Variants in CELF1 observed in about 807,000 individuals in gnomAD.
CELF1 encodes the protein CUGBP Elav-like family member 1, also known as 50 kDa nuclear polyadenylated RNA-binding protein.
Under a neutral mutation model 61.8 loss-of-function variants are expected in CELF1, and 10 were observed. The ratio of observed to expected loss-of-function variants is 0.16; its 90% CI spans 0.10 to 0.27. The LOEUF is 0.27. CELF1 is among the 10% of genes least tolerant of loss of function. The pLI, the probability that CELF1 is intolerant of heterozygous loss-of-function variation, is 1.00. For synonymous variants in CELF1, 236 were observed against 225.1 expected, an observed-to-expected ratio of 1.05 and a Z score of -0.43; for missense variants, 380 against 639.1, an observed-to-expected ratio of 0.59 and a Z score of 4.37.
At chr11:47,505,480 A>T (rs2094407162) in intron 1 of CELF1, among the ~76,000 whole-genome samples, 1 of 150,520 alleles carries the variant, frequency 6.6e-6, no homozygotes, top group African/African-American at 2.4e-5. Flanking sequence ...AAAAATACAA[A>T]AAATACAAAA....
chr11:47,522,753 G>A (rs2096004845), intron 1 of CELF1, among the ~76,000 whole-genome samples: 1 of 151,508 alleles, frequency 6.6e-6, no homozygotes, highest in African/African-American at 2.4e-5. Context: ...TTGAACCTGG[G>A]AGGTGGAGGC....
intron 5 of CELF1, 124 bp downstream of exon 5, chr11:47,487,035 T>TAC (rs1303490072): frequency 3.0e-5 from 24 of 809,520 alleles, no homozygotes; most frequent in Non-Finnish European, 4.7e-5. Context: ...TGTCTTCCTT[T>TAC]ACATCAATTC....
intron 8 of CELF1, 125 bp downstream of exon 8, chr11:47,483,328 T>A (rs2084599604): frequency 1.4e-6 from 1 of 737,024 alleles, no homozygotes; most frequent in East Asian, 2.5e-5. Context: ...GGTTTTTAAC[T>A]TTAAGATGTT....
intron 1 of CELF1, among the ~76,000 whole-genome samples, chr11:47,533,032 T>C (rs564137882): frequency 3.9e-5 from 6 of 152,126 alleles, no homozygotes; most frequent in Admixed American, 1.3e-4. Context: ...GTTGTTACCA[T>C]GGGAACCCAC....
At chr11:47,522,399 G>A (rs766297975) in intron 1 of CELF1, among the ~76,000 whole-genome samples, 2 of 150,260 alleles carry the variant, frequency 1.3e-5, no homozygotes, top group African/African-American at 4.9e-5. Flanking sequence ...GGTGGTGGGC[G>A]TCTGAAGTCC....
At chr11:47,495,420 T>C (rs2092891205) in intron 3 of CELF1, among the ~76,000 whole-genome samples, 1 of 152,088 alleles carries the variant, frequency 6.6e-6, no homozygotes, top group Non-Finnish European at 1.5e-5. Context: ...AGGGGAATGG[T>C]TGCTAATGGG....
At chr11:47,490,866 T>C (rs1229454841) in intron 3 of CELF1, among the ~76,000 whole-genome samples, 1 of 142,288 alleles carries the variant, frequency 7.0e-6, no homozygotes, top group Non-Finnish European at 1.5e-5. Context: ...ATTTTCTTTC[T>C]TTTTTTTTTT....
chr11:47,523,066 T>C (rs2096037517), intron 1 of CELF1, among the ~76,000 whole-genome samples: 1 of 152,128 alleles, frequency 6.6e-6, no homozygotes, highest in Non-Finnish European at 1.5e-5. Flanking sequence ...TATTTATGTA[T>C]AAACATTTAT....
chr11:47,528,870 A>T (rs2096360821), intron 1 of CELF1, among the ~76,000 whole-genome samples: 1 of 151,282 alleles, frequency 6.6e-6, no homozygotes, highest in East Asian at 2.0e-4. Flanking sequence ...CAGCCAGGCC[A>T]ACACAGTGAG....
At chr11:47,564,589 T>C (rs1267258115) in intron 1 of CELF1, 1 of 152,198 alleles carries the variant, frequency 6.6e-6, no homozygotes, top group African/African-American at 2.4e-5. Flanking sequence ...CACCTTAGGT[T>C]CGAGACCAGC....
At chr11:47,533,360 G>C (rs2096537363) in intron 1 of CELF1, among the ~76,000 whole-genome samples, 1 of 152,144 alleles carries the variant, frequency 6.6e-6, no homozygotes, top group Non-Finnish European at 1.5e-5. Context: ...AGTGGCTCAT[G>C]CCTATAATCC....
chr11:47,544,686 G>T (rs933145867), intron 1 of CELF1, among the ~76,000 whole-genome samples: 3 of 152,040 alleles, frequency 2.0e-5, no homozygotes, highest in African/African-American at 7.3e-5. Flanking sequence ...ACGTGTTCTG[G>T]TAACTATAGG....
At chr11:47,546,380 C>T (rs1301843863) in intron 1 of CELF1, among the ~76,000 whole-genome samples, 5 of 151,926 alleles carry the variant, frequency 3.3e-5, no homozygotes, top group Non-Finnish European at 7.4e-5. Flanking sequence ...GATTCTCCTG[C>T]CTCAGCCTCC....
chr11:47,530,685 T>C (rs1211509677), intron 1 of CELF1, among the ~76,000 whole-genome samples: 3 of 152,188 alleles, frequency 2.0e-5, no homozygotes, highest in East Asian at 3.9e-4. Flanking sequence ...CTGGGTACAG[T>C]GGCTCATACC....
chr11:47,488,963 T>C lies in CELF1; in HGVS notation c.133A>G (p.Met45Val). The C allele has an allele frequency of 6.2e-7, 1 of 1,612,794 alleles. No homozygotes were observed. Among genetic ancestry groups the C allele is most frequent in the South Asian group, 1.1e-5 (1 of 90,878 alleles). Residue 45 changes from methionine to valine, a missense_variant, in exon 4 of 15, where the codon ATG becomes GTG. By Grantham distance (21) the Met-to-Val change is conservative. Transcript: ENST00000687097. ...GTCCTTGGAACCTGGCCCACAAACA[T>C]CTTGATAGCATCAAGATCTGGTTGG... ...PDQPDLDAIK[M>V]FVGQVPRTWS...
intron 3 of CELF1, among the ~76,000 whole-genome samples, chr11:47,495,035 GCCACTGC>G (rs1270842606): frequency 6.6e-6 from 1 of 152,180 alleles, no homozygotes; most frequent in Non-Finnish European, 1.5e-5. Flanking sequence ...ATAGGCACGA[GCCACTGC>G]CCCCAGCTGC....
At chr11:47,488,055 A>G (rs1195190475) in intron 4 of CELF1, among the ~76,000 whole-genome samples, 1 of 152,224 alleles carries the variant, frequency 6.6e-6, no homozygotes, top group African/African-American at 2.4e-5. Flanking sequence ...CCATGCCAAA[A>G]AGAGAAAGTA....
intron 3 of CELF1, among the ~76,000 whole-genome samples, chr11:47,492,607 C>T (rs951528404): frequency 3.9e-5 from 6 of 152,080 alleles, no homozygotes; most frequent in African/African-American, 1.4e-4. Flanking sequence ...TGGCGTGCAC[C>T]TGTAATCCCA....
At chr11:47,563,964 C>T (rs2097235218) in intron 2 of CELF1, among the ~76,000 whole-genome samples, 1 of 151,380 alleles carries the variant, frequency 6.6e-6, no homozygotes, top group African/African-American at 2.4e-5. Context: ...GAGATCACGC[C>T]ATTGCACTCC....
Sources: allele counts gnomAD v4.1 joint callset (sites outside exome capture counted in the v4.1 genomes callset), GRCh38; gene constraint gnomAD v4.1.1; transcripts MANE v1.5; gene names NCBI Gene and HGNC (gene_info 2026-07-23, HGNC 2026-07-21).